Variants in RASSF3 observed in about 807,000 individuals in gnomAD.
The protein encoded by RASSF3 is Ras association domain family member 3.
In RASSF3, 19 loss-of-function variants were observed where a neutral mutation model predicts 19.9. That is an observed-to-expected ratio of 0.96 (90% CI 0.67 to 1.40). The LOEUF (loss-of-function observed/expected upper bound fraction) is 1.40. RASSF3 is among the 40% of genes most tolerant of loss of function. The pLI is 0.00. For synonymous variants in RASSF3, 110 were observed against 104.2 expected (o/e 1.06, Z -0.34); for missense variants, 306 against 289.8 (o/e 1.06, Z -0.41).
rs1870304614 is a variant in RASSF3 at position 64,610,496 on chromosome 12, A to G, written c.-137A>G. ...CGGCAGGAGGGGCCGGGAGAGCCTG[A>G]TTGAGCGGCGGCCGCAGCTGCATAA... On this transcript the variant is annotated 5_prime_UTR_variant, in exon 1 of 5. Transcript: ENST00000542104. 3.3e-6 allele frequency: 1 copy of G among 304,422 alleles called. No homozygotes were observed. Among genetic ancestry groups the G allele is most frequent in the South Asian group, 1.4e-4 (1 of 7,084 alleles). The allele number at this position is 304,422 out of a possible 1,614,324, so 18.9% of individuals were successfully genotyped here.
At chr12:64,660,707 TGGAAATTGGAAAAAATGGAGG>T (rs972997489) in intron 1 of RASSF3, among the ~76,000 whole-genome samples, 28 of 152,232 alleles carry the variant, frequency 1.8e-4, no homozygotes, top group Non-Finnish European at 4.1e-4. Context: ...GCAGAAGACT[TGGAAATTGGAAAAAATGGAGG>T]AGCTTTTGAA....
chr12:64,688,397 T>G lies in RASSF3; in HGVS notation c.401T>G (p.Val134Gly), dbSNP rs764427453. 11 of 1,614,192 alleles carry G rather than the reference T, an allele frequency of 6.8e-6. No individual in the cohort carries two copies. The highest frequency in any genetic ancestry group is 9.3e-6 in the Non-Finnish European group (11 of 1,180,030). ...VIEALLKKFL[V>G]TESPAKFALY... The stretch of plus-strand genomic sequence containing the variant: ...GAGGCCCTGCTCAAAAAGTTTCTCG[T>G]GACTGAGAGCCCTGCCAAGTTTGCA... The change falls in exon 3 of 5, where the codon GTG (valine) becomes GGG (glycine). Residue 134 changes from valine (V) to glycine (G), a missense_variant. By Grantham distance (109) the Val-to-Gly change is moderately radical (BLOSUM62 -3). Coordinates refer to ENST00000542104, the MANE Select transcript of RASSF3 (RefSeq NM_178169.4).
intron 2 of RASSF3, among the ~76,000 whole-genome samples, chr12:64,585,615 T>C (rs1869783069): frequency 6.7e-6 from 1 of 150,322 alleles, no homozygotes; most frequent in Admixed American, 6.6e-5. Flanking sequence ...TTTTTTTTTT[T>C]TTTTTTTGAG....
intron 2 of RASSF3, among the ~76,000 whole-genome samples, chr12:64,600,582 C>G (rs1232154434): frequency 9.2e-5 from 14 of 151,956 alleles, no homozygotes; most frequent in Admixed American, 6.6e-4. Context: ...TTTTCTTTCT[C>G]ATTTGAGGGA....
At chr12:64,614,348 G>C (rs1247146586) in intron 1 of RASSF3, among the ~76,000 whole-genome samples, 18 of 152,032 alleles carry the variant, frequency 1.2e-4, no homozygotes, top group Admixed American at 1.2e-3. Flanking sequence ...GGCTGGTCTT[G>C]AATTCCTGAC....
intron 2 of RASSF3, among the ~76,000 whole-genome samples, chr12:64,584,790 G>A (rs1166422102): frequency 6.6e-6 from 1 of 151,870 alleles, no homozygotes; most frequent in Non-Finnish European, 1.5e-5. Context: ...TCGGGGGAGA[G>A]GGAGGTTTGG....
chr12:64,655,451 A>G (rs1374046489), intron 1 of RASSF3, among the ~76,000 whole-genome samples: 3 of 152,156 alleles, frequency 2.0e-5, no homozygotes, highest in Non-Finnish European at 4.4e-5. Context: ...CTCTCCTGAA[A>G]TGCATAACAT....
rs12228074 is a variant in RASSF3, at chr12:64,615,537, G to A, written c.111+4794G>A. 0.013 allele frequency among the ~76,000 whole-genome samples: 2,012 copies of A among 152,136 alleles called. 131 individuals are homozygous for A. The East Asian group carries it at 0.2, about 15-fold the overall frequency. On this transcript the variant is annotated intron_variant, in intron 1 of 4. Transcript: ENST00000542104. The stretch of plus-strand genomic sequence containing the variant: ...AAATATTTTTGTGCCTCAATTATTT[G>A]GTTGTGTCTTATTGCTAGAATCAAC...
chr12:64,582,717 A>G (rs1351038638), intron 2 of RASSF3, among the ~76,000 whole-genome samples: 2 of 152,158 alleles, frequency 1.3e-5, no homozygotes, highest in Non-Finnish European at 2.9e-5. Flanking sequence ...CTTAGGAACA[A>G]GTACCCTGCG....
At chr12:64,529,393 A>G (rs777773682), upstream of RASSF3, among the ~76,000 whole-genome samples, 3 of 152,220 alleles carry the variant, frequency 2.0e-5, no homozygotes, top group Non-Finnish European at 4.4e-5. Context: ...GAGTGGACAC[A>G]TACCCAAGCC....
intron 1 of RASSF3, among the ~76,000 whole-genome samples, chr12:64,640,905 G>A (rs1407694884): frequency 2.6e-5 from 4 of 151,980 alleles, no homozygotes; most frequent in Non-Finnish European, 4.4e-5. Context: ...ACCTCCCAAA[G>A]TGCTGGGAGG....
intron 2 of RASSF3, among the ~76,000 whole-genome samples, chr12:64,555,768 A>T (rs1869246821): frequency 1.3e-5 from 2 of 149,422 alleles, no homozygotes; most frequent in African/African-American, 4.9e-5. Context: ...AAAAGCCTCT[A>T]CCTTGGCCAG....
intron 1 of RASSF3, among the ~76,000 whole-genome samples, chr12:64,635,157 T>C (rs937471638): frequency 7.2e-5 from 11 of 152,002 alleles, no homozygotes; most frequent in Admixed American, 7.2e-4. Context: ...TTTTGACATG[T>C]TTCCAAGGCT....
chr12:64,566,279 A>C (rs1437691931), intron 2 of RASSF3, among the ~76,000 whole-genome samples: 1 of 152,212 alleles, frequency 6.6e-6, no homozygotes, highest in Non-Finnish European at 1.5e-5. Context: ...GCCATCCTAG[A>C]CATTTCTGCT....
At position 64,574,020 on chromosome 12, in the gene RASSF3, G is replaced by A. The variant is rs1163132528; in HGVS notation, c.294+32315G>A. Among the ~76,000 whole-genome samples the A allele has an allele frequency of 5.3e-5, 8 of 151,986 alleles. No individual in the cohort carries two copies. The East Asian group carries it at 1.4e-3, about 26-fold the overall frequency. On this transcript the variant is annotated intron_variant, in intron 2 of 5. Transcript: ENST00000637125. ...ACCTCAATAGATTAAAAAAATATTT[G>A]GGCCAGGCACAGTGGCTTACTCCTG...
intron 1 of RASSF3, among the ~76,000 whole-genome samples, chr12:64,519,361 C>A (rs373517271): frequency 7.2e-5 from 11 of 152,064 alleles, no homozygotes; most frequent in Admixed American, 7.2e-4. Flanking sequence ...GAGCCAAGAT[C>A]GTGCCACTGC....
chr12:64,621,017 C>T (rs1197183841), intron 1 of RASSF3, among the ~76,000 whole-genome samples: 1 of 152,088 alleles, frequency 6.6e-6, no homozygotes. Flanking sequence ...CTTACTGCAA[C>T]CTCCGCCTCC....
chr12:64,626,033 A>G (rs1347531213), intron 1 of RASSF3, among the ~76,000 whole-genome samples: 1 of 152,022 alleles, frequency 6.6e-6, no homozygotes, highest in Admixed American at 6.6e-5. Flanking sequence ...CTTTGGTTGT[A>G]TGTTTCTCAC....
chr12:64,514,188 CTTTTTT>C (rs138925359), intron 1 of RASSF3, among the ~76,000 whole-genome samples: 44 of 77,986 alleles, frequency 5.6e-4, no homozygotes, highest in Admixed American at 1.3e-3. Flanking sequence ...CGCTCAGCCT[CTTTTTT>C]TTTTTTTTTT....
Sources: allele counts gnomAD v4.1 joint callset (sites outside exome capture counted in the v4.1 genomes callset), GRCh38; gene constraint gnomAD v4.1.1; transcripts MANE v1.5; gene names NCBI Gene and HGNC (gene_info 2026-07-23, HGNC 2026-07-21).